The following PPP1R3E variants were observed in gnomAD, a reference collection of about 807,000 sequenced individuals.
PPP1R3E encodes the protein protein phosphatase 1, regulatory (inhibitor) subunit 3E.
In PPP1R3E, 20 loss-of-function variants were observed where a neutral mutation model predicts 18.5. The ratio of observed to expected loss-of-function variants is 1.08; its 90% confidence interval spans 0.76 to 1.58. The LOEUF (loss-of-function observed/expected upper bound fraction) is 1.58. PPP1R3E is among the 40% of genes most tolerant of loss of function. The probability of loss-of-function intolerance (pLI) is 0.00; values close to 1 mark genes in which losing one functional copy is unlikely to be tolerated. For synonymous variants in PPP1R3E, 208 were observed against 208.1 expected, an observed-to-expected ratio of 1.00 and a Z score of 0.00; for missense variants, 498 against 460.2, an observed-to-expected ratio of 1.08 and a Z score of -0.75.
chr14:23,302,144 T>A lies in PPP1R3E; in HGVS notation c.417+16A>T, dbSNP rs1398977639. On this transcript the variant is annotated intron_variant, in intron 1 of 4. Transcript: ENST00000452015. ...TGGAGGAGGTCCCCAGGAGGGGAGG[T>A]GCCCCCGCCGCCTACCTGGAGGCCG... The A allele has an allele frequency of 1.2e-5, 17 of 1,401,722 alleles. No individual in the cohort carries two copies. The highest frequency in any genetic ancestry group is 4.6e-5 in the African/African-American group (3 of 65,620). 86.8% of individuals were successfully genotyped at this position (1,401,722 alleles called of 1,614,324 possible). A position where few individuals can be genotyped will look rare whatever the true frequency, so the allele number is the denominator to read the frequency against.
In PPP1R3E at chr14:23,301,278, C is replaced by CACGCCCCT. The variant is rs1887025797; in HGVS notation, c.*138+12_*138+19dup. The CACGCCCCT allele has an allele frequency of 7.0e-6, 2 of 287,416 alleles. No individual in the cohort carries two copies. The highest frequency in any genetic ancestry group is 6.0e-5 in the Admixed American group (1 of 16,764). 17.8% of individuals were successfully genotyped at this position (287,416 alleles called of 1,614,324 possible). A position where few individuals can be genotyped will look rare whatever the true frequency, so the allele number is the denominator to read the frequency against. ...CCCCGCCCCCACGCCCCCACGCCCC[C>CACGCCCCT]ACGCCCCTGATTTCCCCACCCTTTT... On this transcript the variant is annotated intron_variant, in intron 2 of 4. Coordinates refer to ENST00000452015, the MANE Select transcript of PPP1R3E (RefSeq NM_001276318.2).
At chr14:23,299,930 T>TTTTTG (rs1555325095) in intron 3 of PPP1R3E, among the ~76,000 whole-genome samples, 1 of 107,210 alleles carries the variant, frequency 9.3e-6, no homozygotes, top group Non-Finnish European at 1.7e-5. Context: ...TGTTTTTGTT[T>TTTTTG]TTTTTTTTTT....
At chr14:23,299,937 T>TTTTG (rs1204616030) in intron 3 of PPP1R3E, among the ~76,000 whole-genome samples, 1 of 148,016 alleles carries the variant, frequency 6.8e-6, no homozygotes, top group African/African-American at 2.5e-5. Context: ...GTTTTTTTTT[T>TTTTG]TTTTTTTTTT....
chr14:23,301,048 C>T (rs1483296217), intron 2 of PPP1R3E, 184 bp from the exon 3 acceptor site: 1 of 197,112 alleles, frequency 5.1e-6, no homozygotes, highest in African/African-American at 2.3e-5. Flanking sequence ...CTTCAACCGC[C>T]TAGGCCTGAT....
chr14:23,298,255 A>G lies in PPP1R3E; in HGVS notation c.*1049T>C, dbSNP rs567897219. ...GGAGATTGGCAGGATGGGAAGGCAG[A>G]GCACAGTCAGAAACTATGATCATTT... On this transcript the variant is annotated 3_prime_UTR_variant, in exon 5 of 5. Transcript: ENST00000452015. 6.6e-6 allele frequency: 1 copy of G among 152,308 alleles called. No homozygotes were observed. Among genetic ancestry groups the G allele is most frequent in the South Asian group, 2.1e-4 (1 of 4,826 alleles). 9.4% of individuals were successfully genotyped at this position (152,308 alleles called of 1,614,324 possible). A position where few individuals can be genotyped will look rare whatever the true frequency, so the allele number is the denominator to read the frequency against.
In PPP1R3E at chr14:23,297,489, TG is replaced by T. The variant is rs1886908236; in HGVS notation, c.*1814del. The T allele has an allele frequency of 2.6e-5, 4 of 152,344 alleles. No homozygotes were observed. In the South Asian group the frequency reaches 8.3e-4, roughly 32 times the overall value. 9.4% of individuals were successfully genotyped at this position (152,344 alleles called of 1,614,324 possible). On this transcript the variant is annotated 3_prime_UTR_variant, in exon 5 of 5. Coordinates refer to ENST00000452015, the MANE Select transcript of PPP1R3E (RefSeq NM_001276318.2). The stretch of plus-strand genomic sequence containing the variant: ...CCAAGGTGAGGAAAAGCCAGGGGGT[TG>T]GGAAAATCTCAGTGCTGAAGTCCTG...
chr14:23,301,828 C>T lies in PPP1R3E; in HGVS notation c.448G>A (p.Glu150Lys), dbSNP rs1444888698. The part of the protein sequence containing the change: ...EARAALEPAS[E>K]PGFAARLLTQ... Reference sequence around the variant, plus strand: ...AGCAAGCGGGCGGCGAAGCCGGGCTCGCTGGCCGGCTCCAGGGCGGCGCGC... The same window carrying T: ...AGCAAGCGGGCGGCGAAGCCGGGCTTGCTGGCCGGCTCCAGGGCGGCGCGC... Residue 150 changes from glutamate to lysine, a missense_variant, in exon 2 of 5, where the codon GAG becomes AAG. Coordinates refer to ENST00000452015, the MANE Select transcript of PPP1R3E (RefSeq NM_001276318.2). 1 of 1,470,290 alleles carries T rather than the reference C, an allele frequency of 6.8e-7. No homozygotes were observed. Among genetic ancestry groups the T allele is most frequent in the Non-Finnish European group, 8.9e-7 (1 of 1,119,312 alleles). The allele number at this position is 1,470,290 out of a possible 1,614,324, so 91.1% of individuals were successfully genotyped here.
chr14:23,302,744 G>T lies in PPP1R3E; in HGVS notation c.-168C>A. ...CCTCCAGGATCCTCCACCTCCCGTTGCTTTGCCTCTCCTCTGTGACCACCC... is the reference window on the plus strand; with the variant it reads ...CCTCCAGGATCCTCCACCTCCCGTTTCTTTGCCTCTCCTCTGTGACCACCC... On this transcript the variant is annotated 5_prime_UTR_variant, in exon 1 of 5. Coordinates refer to ENST00000452015, the MANE Select transcript of PPP1R3E (RefSeq NM_001276318.2). 1 of 658,240 alleles carries T rather than the reference G, an allele frequency of 1.5e-6. No individual in the cohort carries two copies. Among genetic ancestry groups the T allele is most frequent in the African/African-American group, 1.9e-5 (1 of 51,778 alleles). 40.8% of individuals were successfully genotyped at this position (658,240 alleles called of 1,614,324 possible).
In PPP1R3E at chr14:23,295,835, A is replaced by T. The variant is rs550030094; in HGVS notation, c.*3469T>A. ...AAAAAACAAGGTGACCAAGAAATTG[A>T]GTCAAGGAGGGAATCTTGCCTCTGA... On this transcript the variant is annotated 3_prime_UTR_variant, in exon 5 of 5. Transcript: ENST00000452015. The T allele has an allele frequency of 1.3e-5, 2 of 154,232 alleles. No homozygotes were observed. Among genetic ancestry groups the T allele is most frequent in the African/African-American group, 4.8e-5 (2 of 41,616 alleles). The allele number at this position is 154,232 out of a possible 1,614,324, so 9.6% of individuals were successfully genotyped here.
Position 23,301,305 on chromosome 14 carries a change from G to T in PPP1R3E, c.*131C>A. 2.2e-6 allele frequency: 1 copy of T among 452,096 alleles called. No individual in the cohort carries two copies. Among genetic ancestry groups the T allele is most frequent in the Non-Finnish European group, 2.7e-6 (1 of 372,840 alleles). The allele number at this position is 452,096 out of a possible 1,614,324, so 28.0% of individuals were successfully genotyped here. On this transcript the variant is annotated 3_prime_UTR_variant, in exon 2 of 5. Transcript: ENST00000452015. ...CGCCCCTGATTTCCCCACCCTTTTC[G>T]CCCTCCCCGGCTTGACTCCCTTGGA...
At chr14:23,301,229 A>G in intron 2 of PPP1R3E, 69 bp downstream of exon 2, 1 of 458,692 alleles carries the variant, frequency 2.2e-6, no homozygotes. Flanking sequence ...GATCTCCCGG[A>G]GCTTCTTTGG....
chr14:23,302,052 G>T, intron 1 of PPP1R3E, 108 bp downstream of exon 1: 1 of 1,295,198 alleles, frequency 7.7e-7, no homozygotes, highest in Non-Finnish European at 1.0e-6. Flanking sequence ...GCAGGCGCAA[G>T]CCCAGGGATG....
rs2138410910 is a variant in PPP1R3E, at chr14:23,301,377, G to A, written c.*59C>T. The A allele has an allele frequency of 1.5e-6, 2 of 1,296,860 alleles. No individual in the cohort carries two copies. Among genetic ancestry groups the A allele is most frequent in the Non-Finnish European group, 2.0e-6 (2 of 1,019,048 alleles). The allele number at this position is 1,296,860 out of a possible 1,614,324, so 80.3% of individuals were successfully genotyped here. The stretch of plus-strand genomic sequence containing the variant: ...TCTCCTACTCCTCCCCGCCACATCG[G>A]GTCGCCCCGCCCCCGGGTGCCTTTG... On this transcript the variant is annotated 3_prime_UTR_variant, in exon 2 of 5. Transcript: ENST00000452015.
Position 23,301,333 on chromosome 14 carries a change from G to A in PPP1R3E, c.*103C>T, listed in dbSNP as rs1887028092. 3 of 986,854 alleles carry A rather than the reference G, an allele frequency of 3.0e-6. No homozygotes were observed. Among genetic ancestry groups the A allele is most frequent in the Non-Finnish European group, 3.6e-6 (3 of 826,384 alleles). The allele number at this position is 986,854 out of a possible 1,614,324, so 61.1% of individuals were successfully genotyped here. On this transcript the variant is annotated 3_prime_UTR_variant, in exon 2 of 5. Transcript: ENST00000452015. The stretch of plus-strand genomic sequence containing the variant: ...CTCCCCGGCTTGACTCCCTTGGACC[G>A]CTCCCGCCAATCCTGGTCTCTCCTA...
At position 23,302,525 on chromosome 14, in the gene PPP1R3E, T is replaced by C. The variant is rs75158392; in HGVS notation, c.52A>G (p.Ile18Val). 2,323 of 1,497,358 alleles carry C rather than the reference T, an allele frequency of 1.6e-3. 64 individuals carry two copies. In the East Asian group the frequency reaches 0.053, roughly 34 times the overall value. The allele number at this position is 1,497,358 out of a possible 1,614,324, so 92.8% of individuals were successfully genotyped here. The part of the protein sequence containing the change: ...GTDIPRNLSF[I>V]AALTERAYYR... ...TAGGCGCGCTCCGTTAGCGCGGCGA[T>C]GAAGCTCAGGTTGCGGGGAATGTCG... The change falls in exon 1 of 5, where the codon ATC becomes GTC. Residue 18 changes from isoleucine to valine, a missense_variant. Transcript: ENST00000452015.
chr14:23,301,347 T>C lies in PPP1R3E; in HGVS notation c.*89A>G. 3 of 1,023,646 alleles carry C rather than the reference T, an allele frequency of 2.9e-6. No individual in the cohort carries two copies. Among genetic ancestry groups the C allele is most frequent in the Non-Finnish European group, 2.3e-6 (2 of 852,320 alleles). 63.4% of individuals were successfully genotyped at this position (1,023,646 alleles called of 1,614,324 possible). A position where few individuals can be genotyped will look rare whatever the true frequency, so the allele number is the denominator to read the frequency against. On this transcript the variant is annotated 3_prime_UTR_variant, in exon 2 of 5. Transcript: ENST00000452015. The stretch of plus-strand genomic sequence containing the variant: ...TCCCTTGGACCGCTCCCGCCAATCC[T>C]GGTCTCTCCTACTCCTCCCCGCCAC...
rs1886885374 is a variant in PPP1R3E at position 23,296,526 on chromosome 14, T to C, written c.*2778A>G. 6.6e-6 allele frequency: 1 copy of C among 151,926 alleles called. No individual in the cohort carries two copies. The highest frequency in any genetic ancestry group is 2.1e-4 in the South Asian group (1 of 4,806). 9.4% of individuals were successfully genotyped at this position (151,926 alleles called of 1,614,324 possible). A position where few individuals can be genotyped will look rare whatever the true frequency, so the allele number is the denominator to read the frequency against. ...CACCATGCCCAGCTAATTTTAAAAG[T>C]TTTTGTAGAGACAGGGTCCCACTAT... is the stretch of plus-strand genomic sequence containing the variant. On this transcript the variant is annotated 3_prime_UTR_variant, in exon 5 of 5. Transcript: ENST00000452015.
At position 23,301,748 on chromosome 14, in the gene PPP1R3E, C is replaced by A; in HGVS notation, c.528G>T (p.Gly176=). The A allele has an allele frequency of 7.1e-7, 1 of 1,417,990 alleles. No individual in the cohort carries two copies. The highest frequency in any genetic ancestry group is 1.4e-5 in the South Asian group (1 of 69,428). 87.8% of individuals were successfully genotyped at this position (1,417,990 alleles called of 1,614,324 possible). A position where few individuals can be genotyped will look rare whatever the true frequency, so the allele number is the denominator to read the frequency against. Residue 176 remains glycine (G), a synonymous_variant, in exon 2 of 5, where the codon GGG becomes GGT. Transcript: ENST00000452015. ...AGGCCAGGTCCACCACGCGCGCGCT[C>A]CCGGCCACGCCCAGCGGGCCCGCCT... ...RAEAGPLGVA[G]SARVVDLAYE... is the part of the protein sequence containing the mutation.
At position 23,301,742 on chromosome 14, in the gene PPP1R3E, C is replaced by T. The variant is rs1035643248; in HGVS notation, c.534G>A (p.Ala178=). The T allele has an allele frequency of 6.7e-5, 95 of 1,413,638 alleles. No individual in the cohort carries two copies. The highest frequency in any genetic ancestry group is 8.7e-5 in the Non-Finnish European group (94 of 1,086,698). The allele number at this position is 1,413,638 out of a possible 1,614,324, so 87.6% of individuals were successfully genotyped here. Residue 178 remains alanine, a synonymous_variant, in exon 2 of 5, where the codon GCG becomes GCA. Coordinates refer to ENST00000452015, the MANE Select transcript of PPP1R3E (RefSeq NM_001276318.2). The stretch of plus-strand genomic sequence containing the variant: ...TCTCGTAGGCCAGGTCCACCACGCG[C>T]GCGCTCCCGGCCACGCCCAGCGGGC... The part of the protein sequence containing the change: ...EAGPLGVAGS[A]RVVDLAYEKR...
Sources: allele counts gnomAD v4.1 joint callset (sites outside exome capture counted in the v4.1 genomes callset), GRCh38; gene constraint gnomAD v4.1.1; transcripts MANE v1.5; gene names NCBI Gene and HGNC (gene_info 2026-07-23, HGNC 2026-07-21).